Variants in NRXN3 observed in about 807,000 individuals in gnomAD.
NRXN3 encodes the protein neurexin III.
A neutral mutation model predicts 137.6 loss-of-function variants in NRXN3; 32 were observed. The observed-to-expected ratio is 0.23, with a 90% CI of 0.18 to 0.31. The LOEUF (loss-of-function observed/expected upper bound fraction) is 0.31. NRXN3 is among the 10% of genes least tolerant of loss of function. NRXN3 has a pLI of 1.00. For synonymous variants in NRXN3, 798 were observed against 784.5 expected (o/e 1.02, Z -0.29); for missense variants, 1,574 against 2,062.5 (o/e 0.76, Z 4.59).
chr14:79,484,963 T>A (rs2096642222), intron 16 of NRXN3, among the ~76,000 whole-genome samples: 1 of 152,202 alleles, frequency 6.6e-6, no homozygotes, highest in South Asian at 2.1e-4. Flanking sequence ...AAGCATAGAA[T>A]TGTAATTTAT....
At chr14:78,395,353 G>T (rs567524944) in intron 4 of NRXN3, among the ~76,000 whole-genome samples, 1 of 151,880 alleles carries the variant, frequency 6.6e-6, no homozygotes, top group Admixed American at 6.6e-5. Flanking sequence ...TGTTTTTGTT[G>T]TTGTTGTTGT....
At chr14:78,453,189 G>A (rs948716828) in intron 4 of NRXN3, among the ~76,000 whole-genome samples, 1 of 152,056 alleles carries the variant, frequency 6.6e-6, no homozygotes, top group Non-Finnish European at 1.5e-5. Flanking sequence ...CCACTGTTAG[G>A]GATGTATTAT....
intron 1 of NRXN3, among the ~76,000 whole-genome samples, chr14:78,220,717 C>T (rs910023217): frequency 6.6e-6 from 1 of 151,844 alleles, no homozygotes; most frequent in Non-Finnish European, 1.5e-5. Context: ...GAACAGGGTC[C>T]CAGGGAGGTG....
chr14:78,314,390 G>A, intron 4 of NRXN3, among the ~76,000 whole-genome samples: 1 of 152,156 alleles, frequency 6.6e-6, no homozygotes, highest in East Asian at 1.9e-4. Flanking sequence ...GGTGCAGATT[G>A]GTGGGTGGTG....
At chr14:78,576,963 CCTT>C (rs1321354299) in intron 4 of NRXN3, among the ~76,000 whole-genome samples, 2 of 152,158 alleles carry the variant, frequency 1.3e-5, no homozygotes, top group Admixed American at 6.5e-5. Context: ...TGATTTATGA[CCTT>C]CTGTCTGGGC....
intron 4 of NRXN3, among the ~76,000 whole-genome samples, chr14:78,430,198 A>G (rs963941810): frequency 6.6e-6 from 1 of 152,192 alleles, no homozygotes; most frequent in Non-Finnish European, 1.5e-5. Flanking sequence ...TGATCACACC[A>G]CTGCACTCTA....
intron 15 of NRXN3, among the ~76,000 whole-genome samples, chr14:79,056,166 C>A (rs1302742319): frequency 6.6e-6 from 1 of 152,078 alleles, no homozygotes; most frequent in Non-Finnish European, 1.5e-5. Context: ...CTTAGTCTGG[C>A]AGACACCTGG....
intron 1 of NRXN3, among the ~76,000 whole-genome samples, chr14:78,217,739 G>A (rs2063440097): frequency 6.6e-6 from 1 of 152,210 alleles, no homozygotes; most frequent in South Asian, 2.1e-4. Flanking sequence ...TTGGCTCACT[G>A]CAAACTCCAC....
At chr14:78,247,270 G>A (rs964689815) in intron 2 of NRXN3, among the ~76,000 whole-genome samples, 9 of 152,132 alleles carry the variant, frequency 5.9e-5, no homozygotes, top group African/African-American at 9.7e-5. Context: ...TTGATTCCCC[G>A]TTGGGTATAT....
intron 15 of NRXN3, among the ~76,000 whole-genome samples, chr14:79,116,774 CA>C (rs2054519014): frequency 6.6e-6 from 1 of 152,138 alleles, no homozygotes; most frequent in South Asian, 2.1e-4. Context: ...ATTTCCACCC[CA>C]ACATCCTGTT....
intron 8 of NRXN3, among the ~76,000 whole-genome samples, chr14:78,764,827 A>C (rs1228933365): frequency 6.6e-6 from 1 of 152,148 alleles, no homozygotes; most frequent in African/African-American, 2.4e-5. Context: ...GACCTTGCTC[A>C]GCGAGCCACC....
chr14:78,894,184 T>A (rs1253911875), intron 10 of NRXN3, among the ~76,000 whole-genome samples: 1 of 151,934 alleles, frequency 6.6e-6, no homozygotes, highest in Non-Finnish European at 1.5e-5. Context: ...ATGAAAGATA[T>A]CTTTGTAGCA....
chr14:78,682,236 C>T (rs2098083975), intron 6 of NRXN3, among the ~76,000 whole-genome samples: 1 of 152,098 alleles, frequency 6.6e-6, no homozygotes, highest in Admixed American at 6.5e-5. Flanking sequence ...AAATCTGAAA[C>T]TGGCTTTCTA....
chr14:78,851,250 G>C (rs1229752814), intron 10 of NRXN3, among the ~76,000 whole-genome samples: 2 of 152,146 alleles, frequency 1.3e-5, no homozygotes, highest in African/African-American at 2.4e-5. Flanking sequence ...TTTTAGAAGA[G>C]AGGAGACTGA....
chr14:79,702,150 A>G (rs974718023), intron 19 of NRXN3, among the ~76,000 whole-genome samples: 3 of 152,054 alleles, frequency 2.0e-5, no homozygotes, highest in East Asian at 1.9e-4. Context: ...CAAAATTTCT[A>G]TGATCTCAGG....
chr14:78,666,983 T>G (rs2097892502), intron 6 of NRXN3, among the ~76,000 whole-genome samples: 1 of 152,204 alleles, frequency 6.6e-6, no homozygotes, highest in African/African-American at 2.4e-5. Flanking sequence ...TTTTAAGTTC[T>G]TTCTTCTATA....
At chr14:79,615,805 G>A (rs78727507) in intron 16 of NRXN3, among the ~76,000 whole-genome samples, 5,599 of 152,210 alleles carry the variant, frequency 0.037, 150 homozygotes, top group Middle Eastern at 0.12. Flanking sequence ...CCTACAATAC[G>A]TGGGGATTAT....
chr14:78,811,890 T>A (rs1376189967), intron 10 of NRXN3, among the ~76,000 whole-genome samples: 2 of 152,202 alleles, frequency 1.3e-5, no homozygotes, highest in African/African-American at 4.8e-5. Flanking sequence ...TTTTCTGTGT[T>A]TAAATATTTC....
At chr14:78,409,121 A>G (rs1040401380) in intron 4 of NRXN3, among the ~76,000 whole-genome samples, 1 of 152,252 alleles carries the variant, frequency 6.6e-6, no homozygotes, top group Admixed American at 6.5e-5. Flanking sequence ...GCTGGTTGCT[A>G]CAAATACAAA....
Sources: allele counts gnomAD v4.1 joint callset (sites outside exome capture counted in the v4.1 genomes callset), GRCh38; gene constraint gnomAD v4.1.1; transcripts MANE v1.5; gene names NCBI Gene and HGNC (gene_info 2026-07-23, HGNC 2026-07-21).